The following PCSK1 variants were observed in gnomAD, a reference collection of about 807,000 sequenced individuals.
The protein encoded by PCSK1 is neuroendocrine convertase 1.
A neutral mutation model predicts 90.6 loss-of-function variants in PCSK1; 56 were observed. That is an observed-to-expected ratio of 0.62 (90% CI 0.50 to 0.77). PCSK1 has a LOEUF of 0.77. Among genes scored for constraint, PCSK1 ranks in the 30% least tolerant of loss-of-function variants. PCSK1 has a pLI of 0.00. For missense variants in PCSK1, 801 were observed against 932.6 expected, an observed-to-expected ratio of 0.86 and a Z score of 1.84; for synonymous variants, 348 against 342.4, an observed-to-expected ratio of 1.02 and a Z score of -0.18.
chr5:96,426,205 A>G (rs1761303030), intron 2 of PCSK1, among the ~76,000 whole-genome samples: 1 of 152,188 alleles, frequency 6.6e-6, no homozygotes, highest in Non-Finnish European at 1.5e-5. Flanking sequence ...GTTACAGTGG[A>G]AGCAAAAGTT....
At chr5:96,399,867 TA>T (rs1345022991) in intron 10 of PCSK1, 85 bp downstream of exon 10, 1 of 1,036,270 alleles carries the variant, frequency 9.6e-7, no homozygotes, top group African/African-American at 1.6e-5. Flanking sequence ...GAAGGGTAGA[TA>T]CAAAAAAATC....
intron 1 of PCSK1, among the ~76,000 whole-genome samples, chr5:96,431,199 A>T: frequency 6.6e-6 from 1 of 152,132 alleles, no homozygotes; most frequent in East Asian, 1.9e-4. Flanking sequence ...GGTCTCAAAA[A>T]TTCCTAATAA....
intron 9 of PCSK1, among the ~76,000 whole-genome samples, chr5:96,400,848 G>A (rs1324469418): frequency 7.0e-5 from 9 of 129,296 alleles, no homozygotes; most frequent in African/African-American, 2.0e-4. Flanking sequence ...AGCACTTTGG[G>A]AGGCCGAGGC....
At chr5:96,399,060 T>C (rs1007522453) in intron 10 of PCSK1, 24 bp from the exon 11 acceptor site, 4 of 1,561,660 alleles carry the variant, frequency 2.6e-6, no homozygotes, top group Non-Finnish European at 3.5e-6. Context: ...AGAATCAGCA[T>C]TGAATAAAGT....
Position 96,399,022 on chromosome 5 carries a change from T to C in PCSK1, c.1445A>G (p.Asn482Ser). The C allele has an allele frequency of 1.2e-6, 2 of 1,611,252 alleles. No individual in the cohort carries two copies. Among genetic ancestry groups the C allele is most frequent in the South Asian group, 2.2e-5 (2 of 90,862 alleles). ...NDFEPRALKA[N>S]GEVIIEIPTR... ...TGGAATTTCAATGATAACTTCTCCATTAGCTTTCAGGGCTCTAAATACATT... is the reference window on the plus strand; with the variant it reads ...TGGAATTTCAATGATAACTTCTCCACTAGCTTTCAGGGCTCTAAATACATT... The change falls in exon 11 of 14, where the codon AAT becomes AGT. Residue 482 changes from asparagine to serine, a missense_variant. Coordinates refer to ENST00000311106, the MANE Select transcript of PCSK1 (RefSeq NM_000439.5).
intron 9 of PCSK1, among the ~76,000 whole-genome samples, chr5:96,401,086 CAAAAAAAAAAAA>C (rs35928091): frequency 8.5e-5 from 6 of 70,574 alleles, no homozygotes; most frequent in African/African-American, 2.4e-4. Context: ...GACTCCGTCT[CAAAAAAAAAAAA>C]AAAAAAAAAA....
intron 9 of PCSK1, 62 bp downstream of exon 9, chr5:96,408,161 T>G: frequency 1.7e-6 from 2 of 1,174,724 alleles, no homozygotes; most frequent in Non-Finnish European, 1.3e-6. Flanking sequence ...GAAAAAAAAG[T>G]GTTATTAAAA....
At chr5:96,429,863 A>G (rs1038562883) in intron 1 of PCSK1, among the ~76,000 whole-genome samples, 6 of 152,316 alleles carry the variant, frequency 3.9e-5, no homozygotes, top group African/African-American at 9.6e-5. Context: ...GTAGGAGGCT[A>G]GTGATGCTTC....
At chr5:96,406,669 T>C (rs1760578815) in intron 9 of PCSK1, among the ~76,000 whole-genome samples, 1 of 152,244 alleles carries the variant, frequency 6.6e-6, no homozygotes, top group African/African-American at 2.4e-5. Flanking sequence ...TTTCCAGTCA[T>C]GGCAAAGGCC....
intron 1 of PCSK1, 139 bp downstream of exon 1, chr5:96,432,724 G>A (rs1029899223): frequency 5.8e-6 from 4 of 693,146 alleles, no homozygotes; most frequent in African/African-American, 5.4e-5. Context: ...CGACAGGGGC[G>A]AGGGCTGGAG....
intron 9 of PCSK1, among the ~76,000 whole-genome samples, chr5:96,405,007 A>G (rs1462784101): frequency 1.3e-5 from 2 of 152,194 alleles, no homozygotes; most frequent in Non-Finnish European, 2.9e-5. Flanking sequence ...GCACATGATT[A>G]AATGATTTTC....
intron 9 of PCSK1, among the ~76,000 whole-genome samples, chr5:96,404,011 T>C (rs1394830619): frequency 6.6e-6 from 1 of 152,204 alleles, no homozygotes; most frequent in Non-Finnish European, 1.5e-5. Flanking sequence ...TCTGATTCTT[T>C]TGATCTCTCC....
chr5:96,398,627 A>T (rs1324618964), intron 11 of PCSK1, among the ~76,000 whole-genome samples: 1 of 152,222 alleles, frequency 6.6e-6, no homozygotes, highest in Non-Finnish European at 1.5e-5. Flanking sequence ...TTGAAAATGC[A>T]TGACTTCAGA....
intron 9 of PCSK1, among the ~76,000 whole-genome samples, chr5:96,402,481 C>G (rs897545525): frequency 1.3e-5 from 2 of 152,176 alleles, no homozygotes; most frequent in Non-Finnish European, 2.9e-5. Context: ...TTTCCTCACT[C>G]AGACTCAGTG....
chr5:96,400,786 T>C lies in PCSK1; in HGVS notation c.1197-600A>G, dbSNP rs540591108. On this transcript the variant is annotated intron_variant, in intron 9 of 13. Transcript: ENST00000311106. ...GATATTCAAGGATGTGGTTCTTGTCTTTTAGAAGTTTACAATCCAGGCTGG... is the reference window on the plus strand; with the variant it reads ...GATATTCAAGGATGTGGTTCTTGTCCTTTAGAAGTTTACAATCCAGGCTGG... Among the ~76,000 whole-genome samples the C allele has an allele frequency of 1.3e-3, 199 of 152,326 alleles. 1 individual carries two copies. Among genetic ancestry groups the C allele is most frequent in the Admixed American group, 3.8e-3 (58 of 15,302 alleles).
At chr5:96,395,491 A>G (rs934230001) in intron 12 of PCSK1, among the ~76,000 whole-genome samples, 5 of 152,216 alleles carry the variant, frequency 3.3e-5, no homozygotes, top group African/African-American at 9.7e-5. Flanking sequence ...TGTCCTCTGC[A>G]GGGACATGGA....
chr5:96,424,699 A>G (rs1761227316), intron 3 of PCSK1, among the ~76,000 whole-genome samples: 1 of 152,202 alleles, frequency 6.6e-6, no homozygotes, highest in South Asian at 2.1e-4. Context: ...GCGGTGGCTC[A>G]TGCCTGTAAT....
At chr5:96,405,261 A>G (rs1039558748) in intron 9 of PCSK1, among the ~76,000 whole-genome samples, 10 of 152,226 alleles carry the variant, frequency 6.6e-5, no homozygotes, top group African/African-American at 2.4e-4. Context: ...CTGGGAGATC[A>G]TAGACTCTTA....
intron 6 of PCSK1, among the ~76,000 whole-genome samples, chr5:96,414,571 T>C (rs1290022552): frequency 6.6e-6 from 1 of 152,104 alleles, no homozygotes; most frequent in East Asian, 1.9e-4. Context: ...AAAAATGCAT[T>C]TGGGGCCAGA....
Sources: gnomAD v4.1 joint callset for allele counts (sites outside exome capture counted in the v4.1 genomes callset) on GRCh38, gnomAD v4.1.1 for gene constraint, MANE v1.5 for transcripts, NCBI Gene and HGNC (gene_info 2026-07-23, HGNC 2026-07-21) for gene names.